The following PLAC8L1 variants were observed in gnomAD, a reference collection of about 807,000 sequenced individuals.
PLAC8L1 encodes the protein PLAC8-like protein 1.
In PLAC8L1, 13 loss-of-function variants were observed where a neutral mutation model predicts 16.3. The ratio of observed to expected loss-of-function variants is 0.80; its 90% CI spans 0.52 to 1.27. The LOEUF is 1.27. PLAC8L1 is among the 50% of genes most tolerant of loss of function. PLAC8L1 has a pLI of 0.00. For missense variants in PLAC8L1, 184 were observed against 220.2 expected (o/e 0.84, Z 1.04); for synonymous variants, 78 against 79.3 (o/e 0.98, Z 0.09).
Position 146,098,187 on chromosome 5 carries a change from A to G in PLAC8L1, c.225T>C (p.Gly75=), listed in dbSNP as rs764753405. ...TCCTATCTCTGCAGACACTGAAGAG[A>G]CCGGTGCTCCAGCCCCCGCCAGTCT... is the stretch of plus-strand genomic sequence containing the variant. ...IVQTGGGWST[G]LFSVCRDRRI... Residue 75 remains glycine, a synonymous_variant, in exon 2 of 4, where the codon GGT becomes GGC. Transcript: ENST00000311450. The G allele has an allele frequency of 2.0e-5, 33 of 1,613,750 alleles. No individual in the cohort carries two copies. In the South Asian group the frequency reaches 3.5e-4, roughly 17 times the overall value.
chr5:146,085,971 A>G (rs972491539), intron 2 of PLAC8L1, among the ~76,000 whole-genome samples: 1 of 151,572 alleles, frequency 6.6e-6, no homozygotes, highest in Admixed American at 6.6e-5. Context: ...AACATGGTAT[A>G]CAGGATATTT....
At chr5:146,084,855 T>C (rs986387101) in intron 3 of PLAC8L1, among the ~76,000 whole-genome samples, 3 of 152,244 alleles carry the variant, frequency 2.0e-5, no homozygotes, top group African/African-American at 7.2e-5. Flanking sequence ...TCTTAGAACC[T>C]AATATTTATA....
At chr5:146,102,202 C>T (rs191655140) in intron 1 of PLAC8L1, among the ~76,000 whole-genome samples, 2 of 152,104 alleles carry the variant, frequency 1.3e-5, no homozygotes, top group East Asian at 3.9e-4. Context: ...ACCACAGGCA[C>T]ATGCCACCAT....
rs1417688843 is a variant in PLAC8L1, at chr5:146,104,995, G to A, written c.-684C>T. Among the ~76,000 whole-genome samples the A allele has an allele frequency of 6.6e-6, 1 of 152,164 alleles. No individual in the cohort carries two copies. The highest frequency in any genetic ancestry group is 1.5e-5 in the Non-Finnish European group (1 of 68,038). ...AGACGGAATCTAGTAACTGAAGCAA[G>A]GCTTGCCTGGTGATGTCCTCACAAC... On this transcript the variant is annotated 5_prime_UTR_variant, in exon 1 of 4. Coordinates refer to ENST00000311450, the MANE Select transcript of PLAC8L1 (RefSeq NM_001029869.3).
At chr5:146,097,816 A>G (rs1050321375) in intron 2 of PLAC8L1, among the ~76,000 whole-genome samples, 3 of 152,218 alleles carry the variant, frequency 2.0e-5, no homozygotes, top group African/African-American at 7.2e-5. Context: ...GCAACAGCTG[A>G]GGTTCTTTCT....
intron 2 of PLAC8L1, among the ~76,000 whole-genome samples, chr5:146,097,738 T>C (rs1763741505): frequency 6.6e-6 from 1 of 152,238 alleles, no homozygotes; most frequent in Non-Finnish European, 1.5e-5. Context: ...TTAATGTTCC[T>C]GCTAAATCTT....
intron 1 of PLAC8L1, among the ~76,000 whole-genome samples, chr5:146,099,986 C>T (rs867885149): frequency 6.6e-6 from 1 of 152,124 alleles, no homozygotes; most frequent in Non-Finnish European, 1.5e-5. Context: ...CCCAAGCCTT[C>T]CCTCGGACCA....
In PLAC8L1 at chr5:146,084,403, G is replaced by T; in HGVS notation, c.*29C>A. ...TGAGAGGTTTGAGAGGAGGGTGTTG[G>T]GGAGTAAGGAGGAGGAGTTATCTTG... On this transcript the variant is annotated 3_prime_UTR_variant, in exon 4 of 4. Transcript: ENST00000311450. 1 of 1,610,342 alleles carries T rather than the reference G, an allele frequency of 6.2e-7. No homozygotes were observed. Among genetic ancestry groups the T allele is most frequent in the South Asian group, 1.1e-5 (1 of 90,716 alleles).
In PLAC8L1 at chr5:146,105,197, G is replaced by A. The variant is rs145541297; in HGVS notation, c.-886C>T. 6.6e-6 allele frequency among the ~76,000 whole-genome samples: 1 copy of A among 152,292 alleles called. No homozygotes were observed. The highest frequency in any genetic ancestry group is 2.4e-5 in the African/African-American group (1 of 41,560). ...TGACATTACATTAGAAAGACATCAG[G>A]AGGATACTGCCAATTATATCATATA... On this transcript the variant is annotated 5_prime_UTR_variant, in exon 1 of 4. Coordinates refer to ENST00000311450, the MANE Select transcript of PLAC8L1 (RefSeq NM_001029869.3).
Position 146,084,460 on chromosome 5 carries a change from A to G in PLAC8L1, c.506T>C (p.Val169Ala). The G allele has an allele frequency of 6.2e-7, 1 of 1,614,150 alleles. No individual in the cohort carries two copies. Among genetic ancestry groups the G allele is most frequent in the Non-Finnish European group, 8.5e-7 (1 of 1,180,022 alleles). ...RTSQVYEICAVPMTKDTLV is the reference protein window; with the variant it reads ...RTSQVYEICAAPMTKDTLV ...AACCAGGGTGTCCTTAGTCATTGGG[A>G]CTGCACAGATTTCATAGACTTGGGA... is the stretch of plus-strand genomic sequence containing the variant. Residue 169 changes from valine (V) to alanine (A), a missense_variant, in exon 4 of 4, where the codon GTC (valine) becomes GCC (alanine). Coordinates refer to ENST00000311450, the MANE Select transcript of PLAC8L1 (RefSeq NM_001029869.3).
At chr5:146,098,361 TCAGAAC>T in intron 1 of PLAC8L1, 69 bp from the exon 2 acceptor site, 1 of 1,521,014 alleles carries the variant, frequency 6.6e-7, no homozygotes. Context: ...TTAAGCCAAG[TCAGAAC>T]CATAAAGAAG....
intron 2 of PLAC8L1, among the ~76,000 whole-genome samples, chr5:146,093,675 G>A (rs1763662061): frequency 6.6e-6 from 1 of 152,194 alleles, no homozygotes; most frequent in African/African-American, 2.4e-5. Flanking sequence ...TCAGAGCATT[G>A]AACAAGAAAA....
intron 3 of PLAC8L1, among the ~76,000 whole-genome samples, chr5:146,085,091 TG>T (rs1319233972): frequency 2.0e-5 from 3 of 147,476 alleles, no homozygotes; most frequent in African/African-American, 4.9e-5. Flanking sequence ...TCCATACTTC[TG>T]TGCCTTACTT....
Position 146,085,593 on chromosome 5 carries a change from G to A in PLAC8L1, c.261C>T (p.Phe87=), listed in dbSNP as rs760736506. 1.9e-6 allele frequency: 3 copies of A among 1,610,900 alleles called. No individual in the cohort carries two copies. In the Admixed American group the frequency reaches 5.0e-5, roughly 27 times the overall value. The change falls in exon 3 of 4, where the codon TTC becomes TTT. Residue 87 remains phenylalanine (F), a synonymous_variant. Coordinates refer to ENST00000311450, the MANE Select transcript of PLAC8L1 (RefSeq NM_001029869.3). The stretch of plus-strand genomic sequence containing the variant: ...GACACATAGGACAGAATAGACCACA[G>A]AAACCTGTCAATAACCACATCCAAA... ...FSVCRDRRIC[F]CGLFCPMCLE... is the part of the protein sequence containing the mutation.
At chr5:146,092,629 C>T (rs1039661862) in intron 2 of PLAC8L1, among the ~76,000 whole-genome samples, 4 of 149,794 alleles carry the variant, frequency 2.7e-5, no homozygotes, top group African/African-American at 9.8e-5. Flanking sequence ...GCAACTTCCA[C>T]CTCCCGGGTT....
chr5:146,088,406 T>G (rs1385478096), intron 2 of PLAC8L1, among the ~76,000 whole-genome samples: 1 of 152,190 alleles, frequency 6.6e-6, no homozygotes, highest in Non-Finnish European at 1.5e-5. Flanking sequence ...ATCAGCACAC[T>G]GAAGAACTTC....
chr5:146,091,617 C>A (rs974822099), intron 2 of PLAC8L1, among the ~76,000 whole-genome samples: 1 of 150,764 alleles, frequency 6.6e-6, no homozygotes, highest in South Asian at 2.1e-4. Context: ...GGAAACATAG[C>A]GAGACTCCAT....
At chr5:146,097,907 T>C (rs1763743089) in intron 2 of PLAC8L1, among the ~76,000 whole-genome samples, 1 of 152,236 alleles carries the variant, frequency 6.6e-6, no homozygotes, top group South Asian at 2.1e-4. Flanking sequence ...GCTCATTTTG[T>C]GCACTTTGCC....
intron 1 of PLAC8L1, among the ~76,000 whole-genome samples, chr5:146,102,418 T>C (rs1346780843): frequency 6.6e-6 from 1 of 152,228 alleles, no homozygotes; most frequent in African/African-American, 2.4e-5. Flanking sequence ...TGTGTTGTAA[T>C]TGAAATAACA....
Sources: allele counts gnomAD v4.1 joint callset (sites outside exome capture counted in the v4.1 genomes callset), GRCh38; gene constraint gnomAD v4.1.1; transcripts MANE v1.5; gene names NCBI Gene and HGNC (gene_info 2026-07-23, HGNC 2026-07-21).